PCDHA13: variants seen among roughly 807,000 people sequenced by gnomAD.
PCDHA13 encodes the protein protocadherin alpha-13.
In PCDHA13, 54 loss-of-function variants were observed where a neutral mutation model predicts 64.8. That is an observed-to-expected ratio of 0.83 (90% CI 0.67 to 1.04). PCDHA13 has a LOEUF of 1.04. Ranked by LOEUF, PCDHA13 falls within the 50% of genes least tolerant of loss-of-function variation. The pLI is 0.00. For missense variants in PCDHA13, 1,248 were observed against 1,254.3 expected (o/e 0.99, Z 0.08); for synonymous variants, 587 against 564.4 (o/e 1.04, Z -0.57).
Position 140,932,015 on chromosome 5 carries a change from C to T in PCDHA13, c.2395-46934C>T, listed in dbSNP as rs150185692. Reference sequence around the variant, plus strand: ...TTCTAAGTTCTTTCATTTTAGTTTACGGTAAGTTTACAGTATATATTAACA... The same window carrying T: ...TTCTAAGTTCTTTCATTTTAGTTTATGGTAAGTTTACAGTATATATTAACA... On this transcript the variant is annotated intron_variant, in intron 1 of 3. Coordinates refer to ENST00000289272, the MANE Select transcript of PCDHA13 (RefSeq NM_018904.3). Among the ~76,000 whole-genome samples, 8 of 151,784 alleles carry T rather than the reference C, an allele frequency of 5.3e-5. No homozygotes were observed. The East Asian group carries it at 5.8e-4, about 11-fold the overall frequency.
intron 1 of PCDHA13, among the ~76,000 whole-genome samples, chr5:140,920,560 C>T (rs1288031450): frequency 1.3e-5 from 2 of 152,168 alleles, no homozygotes; most frequent in Non-Finnish European, 2.9e-5. Flanking sequence ...AAGTGTGGCC[C>T]TTAGGCCAGG....
At chr5:140,887,108 T>A (rs2061306818) in intron 1 of PCDHA13, among the ~76,000 whole-genome samples, 1 of 152,084 alleles carries the variant, frequency 6.6e-6, no homozygotes, top group Non-Finnish European at 1.5e-5. Context: ...TCTCTTTTTT[T>A]TTTTTTGAGA....
At chr5:140,982,824 G>GGTTT (rs74513655) in intron 3 of PCDHA13, among the ~76,000 whole-genome samples, 1 of 151,942 alleles carries the variant, frequency 6.6e-6, no homozygotes, top group African/African-American at 2.4e-5. Context: ...AAGTTTTTGG[G>GGTTT]GTTTGTTTGT....
At position 140,964,709 on chromosome 5, in the gene PCDHA13, A is replaced by G. The variant is rs115609419; in HGVS notation, c.2395-14240A>G. On this transcript the variant is annotated intron_variant, in intron 1 of 3. Coordinates refer to ENST00000289272, the MANE Select transcript of PCDHA13 (RefSeq NM_018904.3). ...CACTTGAGAGATTAAGGCCTCCGAG[A>G]TCAAATTACCACAGCAAACTGAGAC... is the stretch of plus-strand genomic sequence containing the variant. Among the ~76,000 whole-genome samples the G allele has an allele frequency of 4.5e-3, 689 of 152,134 alleles. 3 individuals are homozygous for G. Among genetic ancestry groups the G allele is most frequent in the African/African-American group, 0.016 (667 of 41,492 alleles).
intron 1 of PCDHA13, among the ~76,000 whole-genome samples, chr5:140,970,865 T>C (rs1255232385): frequency 6.6e-6 from 1 of 152,180 alleles, no homozygotes; most frequent in Non-Finnish European, 1.5e-5. Context: ...CCATTCCTGA[T>C]TGAGAGTAGA....
chr5:140,926,533 A>G (rs957359754), intron 1 of PCDHA13: 23 of 211,100 alleles, frequency 1.1e-4, no homozygotes, highest in East Asian at 3.3e-4. Context: ...GCCCGCAGCC[A>G]GCGTGGTGGT....
At position 141,010,411 on chromosome 5, in the gene PCDHA13, G is replaced by A. The variant is rs1215041869; in HGVS notation, c.*474G>A. On this transcript the variant is annotated 3_prime_UTR_variant, in exon 4 of 4. Coordinates refer to ENST00000289272, the MANE Select transcript of PCDHA13 (RefSeq NM_018904.3). Reference sequence around the variant, plus strand: ...TGAGACGAGCCAGCTTAGACTAATTGGTACAAGGAAGGCAAGAAAACAAAG... The same window carrying A: ...TGAGACGAGCCAGCTTAGACTAATTAGTACAAGGAAGGCAAGAAAACAAAG... The A allele has an allele frequency of 8.2e-7, 1 of 1,224,354 alleles. No individual in the cohort carries two copies. Among genetic ancestry groups the A allele is most frequent in the Admixed American group, 2.9e-5 (1 of 35,038 alleles). 75.8% of individuals were successfully genotyped at this position (1,224,354 alleles called of 1,614,324 possible).
At chr5:140,891,285 G>T (rs1402021884) in intron 1 of PCDHA13, among the ~76,000 whole-genome samples, 1 of 152,102 alleles carries the variant, frequency 6.6e-6, no homozygotes, top group South Asian at 2.1e-4. Flanking sequence ...GTTATTGGGG[G>T]TACAGGTGGT....
At chr5:141,001,971 G>C (rs1240624295) in intron 3 of PCDHA13, among the ~76,000 whole-genome samples, 2 of 152,186 alleles carry the variant, frequency 1.3e-5, no homozygotes, top group Admixed American at 1.3e-4. Flanking sequence ...GGGTGTCTCT[G>C]CGCGGAAAGC....
intron 1 of PCDHA13, among the ~76,000 whole-genome samples, chr5:140,958,627 T>C (rs1183042351): frequency 6.6e-6 from 1 of 152,128 alleles, no homozygotes; most frequent in African/African-American, 2.4e-5. Flanking sequence ...AGCTTGAGAG[T>C]ACTGCAGAAA....
chr5:140,977,518 G>C (rs1328241179), intron 1 of PCDHA13, among the ~76,000 whole-genome samples: 5 of 152,166 alleles, frequency 3.3e-5, no homozygotes, highest in African/African-American at 7.2e-5. Context: ...TTGTGAACTT[G>C]AAAACAAAGG....
rs137875021 is a variant in PCDHA13, at chr5:140,942,837, A to C, written c.2395-36112A>C. Among the ~76,000 whole-genome samples, 666 of 152,296 alleles carry C rather than the reference A, an allele frequency of 4.4e-3. 3 individuals are homozygous for C. Among genetic ancestry groups the C allele is most frequent in the African/African-American group, 0.016 (646 of 41,564 alleles). On this transcript the variant is annotated intron_variant, in intron 1 of 3. Transcript: ENST00000289272. ...TTGGATTTGGCCCTGTGTCAATAAA[A>C]ATTCCAGTAAGATGATTATTTTGCT...
Position 140,883,720 on chromosome 5 carries a change from A to C in PCDHA13, c.1452A>C (p.Ala484=). 1 of 1,613,566 alleles carries C rather than the reference A, an allele frequency of 6.2e-7. No homozygotes were observed. The highest frequency in any genetic ancestry group is 8.5e-7 in the Non-Finnish European group (1 of 1,179,838). ...IFTVSAQDAD[A]QENALVSYSL... ...CGGTGTCTGCTCAGGACGCGGACGC[A>C]CAGGAGAACGCGCTGGTCTCCTACT... Residue 484 remains alanine, a synonymous_variant, in exon 1 of 4, where the codon GCA becomes GCC. Transcript: ENST00000289272.
At chr5:140,920,131 T>G (rs1207723509) in intron 1 of PCDHA13, among the ~76,000 whole-genome samples, 1 of 152,202 alleles carries the variant, frequency 6.6e-6, no homozygotes, top group Non-Finnish European at 1.5e-5. Context: ...TGAGTTTTAA[T>G]TCTCCTCTCC....
At chr5:140,947,780 A>G (rs2094176112) in intron 1 of PCDHA13, among the ~76,000 whole-genome samples, 1 of 151,588 alleles carries the variant, frequency 6.6e-6, no homozygotes, top group Non-Finnish European at 1.5e-5. Flanking sequence ...TTGTAAATGG[A>G]TTTTAAACAG....
chr5:140,883,622 G>A lies in PCDHA13; in HGVS notation c.1354G>A (p.Ala452Thr). 4 of 1,614,004 alleles carry A rather than the reference G, an allele frequency of 2.5e-6. No individual in the cohort carries two copies. The highest frequency in any genetic ancestry group is 3.4e-6 in the Non-Finnish European group (4 of 1,179,902). Residue 452 changes from alanine (A) to threonine (T), a missense_variant, in exon 1 of 4, where the codon GCG (alanine) becomes ACG (threonine). Ala to Thr is a moderately conservative substitution (Grantham distance 58). Transcript: ENST00000289272. Reference sequence around the variant, plus strand: ...GGGGGTGGCCGACGTGAACGACAACGCGCCGGCGTTCGCGCAGCCCGAGTA... The same window carrying A: ...GGGGGTGGCCGACGTGAACGACAACACGCCGGCGTTCGCGCAGCCCGAGTA... ...SVGVADVNDN[A>T]PAFAQPEYTV... is the part of the protein sequence containing the mutation.
rs1197189729 is a variant in PCDHA13, at chr5:141,011,926, G to A, written c.*1989G>A. On this transcript the variant is annotated 3_prime_UTR_variant, in exon 4 of 4. Transcript: ENST00000289272. ...TTAGGCATTAATATAAAAGAGGTAG[G>A]AGTCTGTTATTTAAAAAAAGCATTA... 1 of 153,498 alleles carries A rather than the reference G, an allele frequency of 6.5e-6. No individual in the cohort carries two copies. Among genetic ancestry groups the A allele is most frequent in the African/African-American group, 2.4e-5 (1 of 41,380 alleles). 9.5% of individuals were successfully genotyped at this position (153,498 alleles called of 1,614,324 possible).
At chr5:140,944,166 G>A (rs1483002893) in intron 1 of PCDHA13, among the ~76,000 whole-genome samples, 1 of 152,024 alleles carries the variant, frequency 6.6e-6, no homozygotes, top group Non-Finnish European at 1.5e-5. Context: ...AAAGGGCCAA[G>A]GCTGGTTTTT....
At chr5:140,940,159 C>CT (rs1401623923) in intron 1 of PCDHA13, among the ~76,000 whole-genome samples, 1 of 151,978 alleles carries the variant, frequency 6.6e-6, no homozygotes, top group East Asian at 1.9e-4. Context: ...TTTTGTTTGC[C>CT]TGAAATGTCA....
Sources: gnomAD v4.1 joint callset for allele counts (sites outside exome capture counted in the v4.1 genomes callset) on GRCh38, gnomAD v4.1.1 for gene constraint, MANE v1.5 for transcripts, NCBI Gene and HGNC (gene_info 2026-07-23, HGNC 2026-07-21) for gene names.